Variants in PDE1C observed in about 807,000 individuals in gnomAD.
PDE1C encodes the protein phosphodiesterase 1C.
PDE1C carries 62 observed loss-of-function variants against 93.1 expected under a neutral mutation model. That is an observed-to-expected ratio of 0.67 (90% CI 0.54 to 0.82). The LOEUF (loss-of-function observed/expected upper bound fraction) is 0.82. Among genes scored for constraint, PDE1C ranks in the 40% least tolerant of loss-of-function variants. The probability of loss-of-function intolerance (pLI) is 0.00; values close to 1 mark genes in which losing one functional copy is unlikely to be tolerated. For missense variants in PDE1C, 742 were observed against 884.6 expected, an observed-to-expected ratio of 0.84 and a Z score of 2.04; for synonymous variants, 325 against 310.1, an observed-to-expected ratio of 1.05 and a Z score of -0.50.
chr7:31,798,935 T>C (rs1785644420), intron 16 of PDE1C, among the ~76,000 whole-genome samples: 1 of 151,724 alleles, frequency 6.6e-6, no homozygotes, highest in Non-Finnish European at 1.5e-5. Flanking sequence ...GGCAGTTCTT[T>C]ATTCTGGCAT....
chr7:31,916,148 C>A (rs1388389059), intron 2 of PDE1C, among the ~76,000 whole-genome samples: 7 of 151,940 alleles, frequency 4.6e-5, no homozygotes. Flanking sequence ...TTCTCAAATG[C>A]CAAGGTACCA....
intron 15 of PDE1C, among the ~76,000 whole-genome samples, chr7:31,810,674 C>T (rs550496027): frequency 1.8e-3 from 273 of 152,166 alleles, no homozygotes; most frequent in Middle Eastern, 6.8e-3. Context: ...ACTGCCCACA[C>T]ATACATTTCA....
the PDE1C span, among the ~76,000 whole-genome samples, chr7:31,720,169 C>CAA: frequency 0.058 from 2,917 of 50,098 alleles, 466 homozygotes; most frequent in East Asian, 0.14. Context: ...GACTCCGTCT[C>CAA]AAAAAAAAAA....
intron 2 of PDE1C, among the ~76,000 whole-genome samples, chr7:31,884,549 C>T (rs1797648946): frequency 6.6e-6 from 1 of 152,316 alleles, no homozygotes; most frequent in East Asian, 1.9e-4. Context: ...CAAGCTGCAG[C>T]TGCCAACTTT....
At chr7:32,054,772 T>C (rs1277320607) in intron 1 of PDE1C, among the ~76,000 whole-genome samples, 4 of 152,186 alleles carry the variant, frequency 2.6e-5, no homozygotes, top group African/African-American at 9.7e-5. Context: ...AGCCCTAAAA[T>C]CAACCCAAAT....
At chr7:31,986,953 CACAT>C (rs768653279) in intron 2 of PDE1C, among the ~76,000 whole-genome samples, 215 of 151,396 alleles carry the variant, frequency 1.4e-3, no homozygotes, top group Non-Finnish European at 1.9e-3. Flanking sequence ...CACACACACA[CACAT>C]ACACACACAA....
At chr7:31,866,834 A>C (rs1795357132) in intron 6 of PDE1C, among the ~76,000 whole-genome samples, 1 of 152,058 alleles carries the variant, frequency 6.6e-6, no homozygotes, top group South Asian at 2.1e-4. Flanking sequence ...AGCAGTCCAC[A>C]TTCCCACCTT....
At chr7:31,619,684 A>G in the PDE1C span, among the ~76,000 whole-genome samples, 2 of 152,120 alleles carry the variant, frequency 1.3e-5, no homozygotes, top group Non-Finnish European at 2.9e-5. Context: ...AGCCACGCAG[A>G]AGACGGGTGA....
chr7:31,817,126 C>T (rs181343218), intron 14 of PDE1C, among the ~76,000 whole-genome samples: 9 of 152,060 alleles, frequency 5.9e-5, no homozygotes, highest in African/African-American at 2.2e-4. Context: ...TTATAAAAAG[C>T]GCTTTGCAGA....
chr7:31,968,924 C>A (rs1810473573), intron 2 of PDE1C, among the ~76,000 whole-genome samples: 1 of 152,116 alleles, frequency 6.6e-6, no homozygotes, highest in East Asian at 1.9e-4. Context: ...AACTGGCCAG[C>A]CATATGTAGA....
chr7:32,076,937 G>GAA (rs775784792), intron 3 of PDE1C, among the ~76,000 whole-genome samples: 8 of 129,918 alleles, frequency 6.2e-5, no homozygotes, highest in Admixed American at 7.9e-5. Flanking sequence ...GTTGTAAGGA[G>GAA]AAAAAAAAAA....
intron 3 of PDE1C, among the ~76,000 whole-genome samples, chr7:32,168,474 T>G (rs1403762764): frequency 6.6e-6 from 1 of 151,894 alleles, no homozygotes; most frequent in East Asian, 1.9e-4. Flanking sequence ...GTGGAAGGAG[T>G]AGTTATAAGA....
At chr7:31,710,363 G>A in the PDE1C span, among the ~76,000 whole-genome samples, 18 of 152,126 alleles carry the variant, frequency 1.2e-4, no homozygotes, top group Non-Finnish European at 2.6e-4. Context: ...TTCACACAAA[G>A]CCTTTCTTTA....
intron 1 of PDE1C, among the ~76,000 whole-genome samples, chr7:32,286,865 G>A (rs1299665363): frequency 6.6e-6 from 1 of 152,062 alleles, no homozygotes; most frequent in Non-Finnish European, 1.5e-5. Context: ...CGTTTTTATA[G>A]GCAAATAAAA....
chr7:32,086,322 G>A (rs1209828731), intron 3 of PDE1C, among the ~76,000 whole-genome samples: 2 of 152,076 alleles, frequency 1.3e-5, no homozygotes, highest in East Asian at 3.8e-4. Context: ...TCTTCAAGGA[G>A]AACTACAAAC....
At chr7:31,777,188 C>A (rs1186120469) in intron 16 of PDE1C, among the ~76,000 whole-genome samples, 2 of 151,748 alleles carry the variant, frequency 1.3e-5, no homozygotes, top group African/African-American at 2.4e-5. Flanking sequence ...GAAAAAGAAT[C>A]TGAAGACTGG....
intron 1 of PDE1C, among the ~76,000 whole-genome samples, chr7:32,296,032 TA>T (rs1365104702): frequency 6.6e-6 from 1 of 152,096 alleles, no homozygotes; most frequent in Non-Finnish European, 1.5e-5. Flanking sequence ...ACTTTATATA[TA>T]GCATGAAACA....
intron 1 of PDE1C, among the ~76,000 whole-genome samples, chr7:32,063,798 CG>C (rs1466588959): frequency 6.6e-6 from 1 of 152,198 alleles, no homozygotes; most frequent in East Asian, 1.9e-4. Context: ...TAGCATGTAG[CG>C]TCCACATCAC....
In PDE1C at chr7:31,804,472, G is replaced by A. The variant is rs188596181; in HGVS notation, c.1891+4559C>T. Among the ~76,000 whole-genome samples, 31 of 151,906 alleles carry A rather than the reference G, an allele frequency of 2.0e-4. 1 individual carries two copies. The East Asian group carries it at 5.7e-3, about 28-fold the overall frequency. On this transcript the variant is annotated intron_variant, in intron 16 of 17. Coordinates refer to ENST00000396191, the MANE Select transcript of PDE1C (RefSeq NM_001191057.4). The stretch of plus-strand genomic sequence containing the variant: ...GTGTAGTAGTTTCCCTTTACACACA[G>A]AGGATATTTTCTAAGACTCCCAGGG...
Sources: allele counts gnomAD v4.1 joint callset (sites outside exome capture counted in the v4.1 genomes callset), GRCh38; gene constraint gnomAD v4.1.1; transcripts MANE v1.5; gene names NCBI Gene and HGNC (gene_info 2026-07-23, HGNC 2026-07-21).